GABRG2: variants seen among roughly 807,000 people sequenced by gnomAD.
The protein encoded by GABRG2 is gamma-aminobutyric acid type A receptor subunit gamma2.
In GABRG2, 16 loss-of-function variants were observed where a neutral mutation model predicts 56.4. The observed-to-expected ratio is 0.28, with a 90% confidence interval of 0.19 to 0.43. GABRG2 has a LOEUF of 0.43. Among genes scored for constraint, GABRG2 ranks in the 20% least tolerant of loss-of-function variants. GABRG2 has a pLI of 1.00. For missense variants in GABRG2, 327 were observed against 582.7 expected, an observed-to-expected ratio of 0.56 and a Z score of 4.52; for synonymous variants, 208 against 205.5, an observed-to-expected ratio of 1.01 and a Z score of -0.10.
Position 162,109,420 on chromosome 5 carries a change from A to ATATATATATTTATTTATT in GABRG2, c.769+5397_769+5398insATATATTTATTTATTTAT, listed in dbSNP as rs1424412323. 3.5e-3 allele frequency among the ~76,000 whole-genome samples: 409 copies of ATATATATATTTATTTATT among 115,746 alleles called. 2 individuals are homozygous for ATATATATATTTATTTATT. The highest frequency in any genetic ancestry group is 0.015 in the Middle Eastern group (3 of 204). 75.9% of individuals were successfully genotyped at this position (115,746 alleles called of 152,430 possible). ...TATATATATATATATATATATATAT[A>ATATATATATTTATTTATT]TATTTATTTATATAAAATGAAAACA... On this transcript the variant is annotated intron_variant, in intron 6 of 9. Coordinates refer to ENST00000639213, the MANE Select transcript of GABRG2 (RefSeq NM_198904.4).
intron 1 of GABRG2, among the ~76,000 whole-genome samples, chr5:162,088,900 G>A (rs182613451): frequency 1.0e-3 from 159 of 152,212 alleles, no homozygotes; most frequent in Middle Eastern, 0.01. Flanking sequence ...TTAATATTAT[G>A]ACTTCTCCGA....
At chr5:162,140,728 G>C (rs978799836) in intron 6 of GABRG2, among the ~76,000 whole-genome samples, 10 of 152,196 alleles carry the variant, frequency 6.6e-5, no homozygotes, top group Admixed American at 2.6e-4. Flanking sequence ...TGTGAGTGCA[G>C]ATACAATATT....
intron 6 of GABRG2, among the ~76,000 whole-genome samples, chr5:162,109,931 A>G (rs1170698449): frequency 1.3e-5 from 2 of 152,106 alleles, no homozygotes; most frequent in East Asian, 1.9e-4. Context: ...AAGGAAATAT[A>G]CCACATTTCT....
At chr5:162,090,314 ACATACACATAC>A (rs200207664) in intron 1 of GABRG2, among the ~76,000 whole-genome samples, 1 of 136,814 alleles carries the variant, frequency 7.3e-6, no homozygotes, top group African/African-American at 3.0e-5. Context: ...ATACACATAC[ACATACACATAC>A]CATACACATA....
intron 1 of GABRG2, among the ~76,000 whole-genome samples, chr5:162,086,651 GATA>G (rs1760140473): frequency 6.6e-6 from 1 of 151,832 alleles, no homozygotes; most frequent in Non-Finnish European, 1.5e-5. Flanking sequence ...GAGCACTACA[GATA>G]ATTTTTCTTG....
intron 6 of GABRG2, among the ~76,000 whole-genome samples, chr5:162,125,647 T>C (rs1390699846): frequency 1.3e-5 from 2 of 151,168 alleles, no homozygotes; most frequent in African/African-American, 4.9e-5. Flanking sequence ...TGGTTGAGAG[T>C]AGGCATCAAG....
intron 1 of GABRG2, among the ~76,000 whole-genome samples, chr5:162,090,723 A>G (rs1760506195): frequency 6.6e-6 from 1 of 152,172 alleles, no homozygotes; most frequent in Non-Finnish European, 1.5e-5. Context: ...TTTTAATTAT[A>G]TGGTACCAGG....
chr5:162,120,507 A>G (rs1191291461), intron 6 of GABRG2, among the ~76,000 whole-genome samples: 1 of 152,114 alleles, frequency 6.6e-6, no homozygotes, highest in Non-Finnish European at 1.5e-5. Flanking sequence ...TTAGGACTCA[A>G]GAACTATAGC....
intron 6 of GABRG2, among the ~76,000 whole-genome samples, chr5:162,105,493 G>C (rs1238538901): frequency 7.2e-6 from 1 of 138,964 alleles, no homozygotes; most frequent in Non-Finnish European, 1.5e-5. Context: ...GCAGTGGCGA[G>C]ATCTCTGCTC....
chr5:162,137,762 G>C (rs140177084), intron 6 of GABRG2, among the ~76,000 whole-genome samples: 21 of 150,732 alleles, frequency 1.4e-4, no homozygotes, highest in Admixed American at 7.3e-4. Flanking sequence ...GTCTCACTCT[G>C]TCACCCACAC....
intron 5 of GABRG2, 39 bp from the exon 6 acceptor site, chr5:162,103,850 A>C: frequency 6.2e-7 from 1 of 1,611,646 alleles, no homozygotes; most frequent in South Asian, 1.1e-5. Flanking sequence ...ATGCTAATTT[A>C]TAATCATTTT....
intron 6 of GABRG2, among the ~76,000 whole-genome samples, chr5:162,111,337 G>C (rs1044082091): frequency 6.6e-6 from 1 of 152,046 alleles, no homozygotes; most frequent in East Asian, 1.9e-4. Context: ...TGGAACATTT[G>C]TATGCTGTGT....
chr5:162,121,050 G>A (rs544081762), intron 6 of GABRG2, among the ~76,000 whole-genome samples: 9 of 152,188 alleles, frequency 5.9e-5, no homozygotes, highest in Non-Finnish European at 8.8e-5. Context: ...TTATTCATGC[G>A]AATCATTATA....
rs533258756 is a variant in GABRG2, at chr5:162,105,432, C to CTTTTTTTTTTTTTTTTTT, written c.769+1421_769+1422insTTTTTTTTTTTTTTTTTT. ...GACCATCAAGTATTAGTAGAACAAT[C>CTTTTTTTTTTTTTTTTTT]TTTTTTTTTTTTTTTGAGAAGGAGT... On this transcript the variant is annotated intron_variant, in intron 6 of 9. Transcript: ENST00000639213. 2.9e-5 allele frequency among the ~76,000 whole-genome samples: 3 copies of CTTTTTTTTTTTTTTTTTT among 104,136 alleles called. 1 individual carries two copies. Among genetic ancestry groups the CTTTTTTTTTTTTTTTTTT allele is most frequent in the Admixed American group, 1.3e-4 (1 of 7,654 alleles). The allele number at this position is 104,136 out of a possible 152,430, so 68.3% of individuals were successfully genotyped here. A position where few individuals can be genotyped will look rare whatever the true frequency, so the allele number is the denominator to read the frequency against.
chr5:162,130,114 A>C (rs557356262), intron 6 of GABRG2, among the ~76,000 whole-genome samples: 1 of 152,066 alleles, frequency 6.6e-6, no homozygotes, highest in Admixed American at 6.6e-5. Flanking sequence ...GAGGTTTTAA[A>C]ATATATATTG....
chr5:162,132,753 T>A (rs182222468), intron 6 of GABRG2, among the ~76,000 whole-genome samples: 1 of 152,178 alleles, frequency 6.6e-6, no homozygotes, highest in African/African-American at 2.4e-5. Flanking sequence ...GTGCTGAAAC[T>A]ATTTCCATTG....
At chr5:162,073,555 CAATATT>C (rs533453443) in intron 1 of GABRG2, among the ~76,000 whole-genome samples, 7 of 151,652 alleles carry the variant, frequency 4.6e-5, no homozygotes, top group Non-Finnish European at 1.0e-4. Context: ...CAACGATACT[CAATATT>C]AAAGTAGAAA....
rs1481640025 is a variant in GABRG2 at position 162,068,041 on chromosome 5, CT to C, written c.43del (p.Ser15ArgfsTer9). Reference protein sequence around the residue: ...NIWSTGSSVYSTPVFSQKMTV... With the variant: ...NIWSTGSSVYXTPVFSQKMTV... ...TATGGAGCACAGGAAGCTCAGTCTACTCGACTCCTGTATTTTCACAGAAAAT... is the reference window on the plus strand; with the variant it reads ...TATGGAGCACAGGAAGCTCAGTCTACCGACTCCTGTATTTTCACAGAAAAT... On this transcript the variant is annotated frameshift_variant, in exon 1 of 10. Coordinates refer to ENST00000639213, the MANE Select transcript of GABRG2 (RefSeq NM_198904.4). LOFTEE classifies it high-confidence loss of function. 6.2e-7 allele frequency: 1 copy of C among 1,612,788 alleles called. No homozygotes were observed. The highest frequency in any genetic ancestry group is 1.7e-5 in the Admixed American group (1 of 59,946).
chr5:162,085,112 G>A (rs1759963010), intron 1 of GABRG2, among the ~76,000 whole-genome samples: 1 of 151,866 alleles, frequency 6.6e-6, no homozygotes, highest in African/African-American at 2.4e-5. Context: ...ATTGTATGTA[G>A]TGATATTTCA....
Sources: gnomAD v4.1 joint callset for allele counts (sites outside exome capture counted in the v4.1 genomes callset) on GRCh38, gnomAD v4.1.1 for gene constraint, MANE v1.5 for transcripts, NCBI Gene and HGNC (gene_info 2026-07-23, HGNC 2026-07-21) for gene names.